Variants in DNAH10 observed in about 807,000 individuals in gnomAD.
The protein encoded by DNAH10 is axonemal beta dynein heavy chain 10.
DNAH10 carries 348 observed loss-of-function variants against 506.6 expected under a neutral mutation model. That is an observed-to-expected ratio of 0.69 (90% CI 0.63 to 0.75). DNAH10 has a LOEUF of 0.75. Ranked by LOEUF, DNAH10 falls within the 30% of genes least tolerant of loss-of-function variation. DNAH10 has a pLI of 0.00. For missense variants in DNAH10, 5,179 were observed against 5,787.1 expected (o/e 0.89, Z 3.41); for synonymous variants, 2,059 against 2,198.6 (o/e 0.94, Z 1.78).
At chr12:123,885,561 C>T (rs901015866) in intron 51 of DNAH10, among the ~76,000 whole-genome samples, 8 of 152,056 alleles carry the variant, frequency 5.3e-5, no homozygotes, top group Non-Finnish European at 1.0e-4. Context: ...GGTTGCCTGG[C>T]ACCAGATTTC....
intron 54 of DNAH10, among the ~76,000 whole-genome samples, chr12:123,895,036 A>G (rs960760356): frequency 2.0e-5 from 3 of 152,202 alleles, no homozygotes; most frequent in Non-Finnish European, 4.4e-5. Context: ...TTATTGGTAC[A>G]CAGACTCACT....
intron 5 of DNAH10, among the ~76,000 whole-genome samples, chr12:123,777,476 C>T (rs1450899337): frequency 6.6e-6 from 1 of 152,220 alleles, no homozygotes; most frequent in South Asian, 2.1e-4. Context: ...CGAGGTCTCA[C>T]GGAGTACAAG....
intron 13 of DNAH10, among the ~76,000 whole-genome samples, chr12:123,798,533 G>T (rs1565916309): frequency 6.6e-6 from 1 of 152,082 alleles, no homozygotes; most frequent in Non-Finnish European, 1.5e-5. Flanking sequence ...TTGCCTCCCA[G>T]CAGGCCCCAC....
At chr12:123,901,472 T>C (rs1189574686) in intron 56 of DNAH10, among the ~76,000 whole-genome samples, 1 of 152,202 alleles carries the variant, frequency 6.6e-6, no homozygotes, top group African/African-American at 2.4e-5. Flanking sequence ...CTTTGCACGC[T>C]GCAAGTGCCA....
At position 123,785,750 on chromosome 12, in the gene DNAH10, T is replaced by C; in HGVS notation, c.1235T>C (p.Ile412Thr). ...LSTVERYFKN[I>T]THGSGFHVVL... ...GCTCTCTCCTCTCTTGGTCAGAACA[T>C]AACGCACGGGTCTGGCTTCCACGTG... Residue 412 changes from isoleucine (I) to threonine (T), a missense_variant, in exon 9 of 79, where the codon ATA (isoleucine) becomes ACA (threonine). This residue lies in a region of DNAH10 where 4,844 missense variants were observed against 5,430.5 expected (regional missense o/e 0.89). Coordinates refer to ENST00000673944, the MANE Select transcript of DNAH10 (RefSeq NM_001372106.1). This position sits in a 1 kb window ranked among gnomAD's most constrained non-coding sequence, Gnocchi z 4.1. 1 of 1,608,776 alleles carries C rather than the reference T, an allele frequency of 6.2e-7. No individual in the cohort carries two copies. Among genetic ancestry groups the C allele is most frequent in the Non-Finnish European group, 8.5e-7 (1 of 1,176,016 alleles).
intron 59 of DNAH10, among the ~76,000 whole-genome samples, chr12:123,910,891 A>C (rs1161609480): frequency 6.6e-6 from 1 of 152,100 alleles, no homozygotes; most frequent in East Asian, 1.9e-4. Flanking sequence ...AAGAGTTTCA[A>C]ACTTCCTGTG....
chr12:123,827,036 G>A (rs565687477), intron 25 of DNAH10, 138 bp downstream of exon 25: 13 of 682,612 alleles, frequency 1.9e-5, no homozygotes, highest in South Asian at 6.8e-5. Context: ...ACATGGGCAC[G>A]ACACAGTTCT....
intron 11 of DNAH10, among the ~76,000 whole-genome samples, chr12:123,791,239 G>A (rs978164063): frequency 2.6e-5 from 4 of 152,218 alleles, no homozygotes; most frequent in Admixed American, 2.6e-4. Context: ...AACAGAGAGT[G>A]GGGAGATGAT....
rs576291049 is a variant in DNAH10, at chr12:123,869,720, A to G, written c.7520-646A>G. 3.3e-5 allele frequency among the ~76,000 whole-genome samples: 5 copies of G among 152,140 alleles called. No homozygotes were observed. In the East Asian group the frequency reaches 7.7e-4, roughly 24 times the overall value. On this transcript the variant is annotated intron_variant, in intron 43 of 78. Transcript: ENST00000673944. ...CCAACCCAGCCCCTTCCTCCTTCTC[A>G]GGCTCCTCGCTCCATCTGAGTTTAT...
At position 123,794,310 on chromosome 12, in the gene DNAH10, G is replaced by A. The variant is rs116254830; in HGVS notation, c.1986+198G>A. Among the ~76,000 whole-genome samples, 961 of 152,282 alleles carry A rather than the reference G, an allele frequency of 6.3e-3. 19 individuals carry two copies. The highest frequency in any genetic ancestry group is 0.022 in the African/African-American group (895 of 41,546). On this transcript the variant is annotated intron_variant, in intron 12 of 78. Transcript: ENST00000673944. ...AGTGGAGAAATTCAATAAGAATTAA[G>A]TATATTATGATTTACTCACATTGTG...
Position 123,879,278 on chromosome 12 carries a change from C to T in DNAH10, c.8387C>T (p.Ala2796Val), listed in dbSNP as rs1412228772. The change falls in exon 49 of 79, where the codon GCC becomes GTC. Residue 2796 changes from alanine (A) to valine (V), a missense_variant. Physicochemically the swap from Ala to Val is moderately conservative, Grantham distance 64 (BLOSUM62 0). Transcript: ENST00000673944. ...CCATTCTGCAGATTCCAGACGGTGG[C>T]CCAGATGGTGAGAGTCTGGAGGAAT... Reference protein sequence around the residue: ...LTNPERFQTVAQMVRVWRNEC... With the variant: ...LTNPERFQTVVQMVRVWRNEC... The T allele has an allele frequency of 5.7e-6, 9 of 1,576,074 alleles. No homozygotes were observed. Among genetic ancestry groups the T allele is most frequent in the Non-Finnish European group, 7.8e-6 (9 of 1,160,320 alleles).
In DNAH10 at chr12:123,903,964, A is replaced by G. The variant is rs7976319; in HGVS notation, c.9815+851A>G. Among the ~76,000 whole-genome samples, 61,238 of 152,088 alleles carry G rather than the reference A, an allele frequency of 0.4. 13,378 individuals are homozygous for G. Among genetic ancestry groups the G allele is most frequent in the African/African-American group, 0.58 (24,263 of 41,486 alleles). ...GAGAGGCTCCGTTCCTGGGTCAGTA[A>G]TGGGCTTCCATTCTGGGCTCCCGCT... is the stretch of plus-strand genomic sequence containing the variant. On this transcript the variant is annotated intron_variant, in intron 57 of 78. Coordinates refer to ENST00000673944, the MANE Select transcript of DNAH10 (RefSeq NM_001372106.1). The surrounding 1 kb of genome is among the most constrained non-coding windows in gnomAD (Gnocchi z 4.6).
intron 44 of DNAH10, among the ~76,000 whole-genome samples, chr12:123,870,955 T>C (rs950499654): frequency 6.6e-6 from 1 of 152,204 alleles, no homozygotes; most frequent in Non-Finnish European, 1.5e-5. Context: ...GGCTGGCTAT[T>C]CAGGTAAAAT....
chr12:123,814,609 A>ATTTTTTTTTTTTTT (rs1214217837), intron 21 of DNAH10, among the ~76,000 whole-genome samples: 1 of 121,216 alleles, frequency 8.2e-6, no homozygotes, highest in African/African-American at 3.4e-5. Context: ...GGCCAGGTAG[A>ATTTTTTTTTTTTTT]TTTTTTTTTT....
At chr12:123,793,629 C>T (rs1242444713) in intron 11 of DNAH10, among the ~76,000 whole-genome samples, 3 of 152,174 alleles carry the variant, frequency 2.0e-5, no homozygotes, top group Non-Finnish European at 2.9e-5. Context: ...TGAGGCACTG[C>T]GCCTGGCCCT....
At chr12:123,933,744 CA>C (rs763953433) in intron 77 of DNAH10, among the ~76,000 whole-genome samples, 3 of 152,196 alleles carry the variant, frequency 2.0e-5, no homozygotes, top group Non-Finnish European at 4.4e-5. Context: ...GGGTCTATGG[CA>C]GGGGAGACCT....
intron 59 of DNAH10, 102 bp from the exon 60 acceptor site, chr12:123,912,996 C>A: frequency 9.1e-7 from 1 of 1,104,798 alleles, no homozygotes; most frequent in Non-Finnish European, 1.3e-6. Flanking sequence ...AAAGCACAGA[C>A]ACCATTAGAG....
intron 56 of DNAH10, among the ~76,000 whole-genome samples, chr12:123,899,135 G>A (rs1182159056): frequency 2.0e-5 from 3 of 152,144 alleles, no homozygotes; most frequent in South Asian, 4.1e-4. Context: ...AACTAAGTCC[G>A]TGGGGTTGAA....
intron 72 of DNAH10, 91 bp downstream of exon 72, chr12:123,929,850 A>G: frequency 8.7e-7 from 1 of 1,146,268 alleles, no homozygotes; most frequent in South Asian, 1.3e-5. Flanking sequence ...CCTCAGAACC[A>G]GCCTCTTCTG....
Sources: gnomAD v4.1 joint callset for allele counts (sites outside exome capture counted in the v4.1 genomes callset) on GRCh38, gnomAD v4.1.1 for gene constraint, gnomAD v4.1.1 regional missense constraint, Gnocchi (gnomAD v3.1) non-coding constraint, MANE v1.5 for transcripts, NCBI Gene and HGNC (gene_info 2026-07-23, HGNC 2026-07-21) for gene names.